The following ST18 variants were observed in gnomAD, a reference collection of about 807,000 sequenced individuals.
The protein encoded by ST18 is suppression of tumorigenicity 18 protein.
Under a neutral mutation model 110.0 loss-of-function variants are expected in ST18, and 50 were observed. The ratio of observed to expected loss-of-function variants is 0.45; its 90% CI spans 0.36 to 0.58. The LOEUF (loss-of-function observed/expected upper bound fraction) is 0.58. ST18 is among the 20% of genes least tolerant of loss of function. The pLI, the probability that ST18 is intolerant of heterozygous loss-of-function variation, is 0.00. For missense variants in ST18, 1,306 were observed against 1,280.1 expected (o/e 1.02, Z -0.31); for synonymous variants, 461 against 452.4 (o/e 1.02, Z -0.24).
chr8:52,136,626 A>C lies in ST18; in HGVS notation c.2264T>G (p.Leu755Arg). The change falls in exon 19 of 26, where the codon CTA (leucine) becomes CGA (arginine). Residue 755 changes from leucine (L) to arginine (R), a missense_variant. Physicochemically the swap from Leu to Arg is moderately radical, Grantham distance 102. Transcript: ENST00000689386. ...VSGCPLADKT[L>R]KSLMAANSQE... ...AGAGTTGGCAGCCATGAGGGATTTTAGAGTCTTATCTGCTAAAGGACATCC... is the reference window on the plus strand; with the variant it reads ...AGAGTTGGCAGCCATGAGGGATTTTCGAGTCTTATCTGCTAAAGGACATCC... The C allele has an allele frequency of 6.2e-7, 1 of 1,611,318 alleles. No individual in the cohort carries two copies. Among genetic ancestry groups the C allele is most frequent in the Non-Finnish European group, 8.5e-7 (1 of 1,178,984 alleles).
intron 2 of ST18, among the ~76,000 whole-genome samples, chr8:52,250,573 C>T (rs1040156690): frequency 6.7e-6 from 1 of 148,448 alleles, no homozygotes; most frequent in Admixed American, 6.8e-5. Flanking sequence ...GCAAACAGAA[C>T]CTTTATAGTA....
chr8:52,175,105 G>T (rs1034796062), intron 9 of ST18, among the ~76,000 whole-genome samples: 5 of 152,082 alleles, frequency 3.3e-5, no homozygotes, highest in Admixed American at 3.3e-4. Flanking sequence ...GCTCGGTGGG[G>T]CTGCGTCACC....
chr8:52,325,044 G>T (rs1275562777), intron 2 of ST18, among the ~76,000 whole-genome samples: 3 of 152,302 alleles, frequency 2.0e-5, no homozygotes, highest in Admixed American at 6.5e-5. Context: ...ACCAATAGAG[G>T]TTTTAAAGAT....
Position 52,409,730 on chromosome 8 carries a change from C to T in ST18, c.-772G>A, listed in dbSNP as rs3780002. 33 of 152,406 alleles carry T rather than the reference C, an allele frequency of 2.2e-4. No homozygotes were observed. Among genetic ancestry groups the T allele is most frequent in the East Asian group, 1.7e-3 (9 of 5,188 alleles). The allele number at this position is 152,406 out of a possible 1,614,324, so 9.4% of individuals were successfully genotyped here. A position where few individuals can be genotyped will look rare whatever the true frequency, so the allele number is the denominator to read the frequency against. ...ATTCAGTTAAAAACATCCTGCCCTT[C>T]TCCCTACAAAAAGGTTCCATAGAAT... On this transcript the variant is annotated 5_prime_UTR_variant, in exon 1 of 26. Coordinates refer to ENST00000689386, the MANE Select transcript of ST18 (RefSeq NM_001352837.2).
intron 2 of ST18, among the ~76,000 whole-genome samples, chr8:52,376,794 G>A (rs74456786): frequency 6.6e-6 from 1 of 152,134 alleles, no homozygotes; most frequent in Admixed American, 6.5e-5. Flanking sequence ...TCACTGATCT[G>A]GGTGAATCTG....
intron 2 of ST18, among the ~76,000 whole-genome samples, chr8:52,339,532 C>T (rs780841965): frequency 1.3e-5 from 2 of 152,244 alleles, no homozygotes; most frequent in African/African-American, 4.8e-5. Flanking sequence ...AGAATCCTGC[C>T]TCCACACAAG....
At chr8:52,335,186 T>C (rs1356606398) in intron 2 of ST18, among the ~76,000 whole-genome samples, 7 of 152,176 alleles carry the variant, frequency 4.6e-5, no homozygotes, top group Non-Finnish European at 1.0e-4. Context: ...CTAAACTTAA[T>C]ACATCCAAAA....
At chr8:52,333,702 A>T (rs558981807) in intron 2 of ST18, among the ~76,000 whole-genome samples, 3 of 152,246 alleles carry the variant, frequency 2.0e-5, no homozygotes, top group Non-Finnish European at 4.4e-5. Context: ...TTTATATTTG[A>T]TAAACTTTGA....
At chr8:52,329,262 T>C (rs1256304685) in intron 2 of ST18, among the ~76,000 whole-genome samples, 1 of 148,984 alleles carries the variant, frequency 6.7e-6, no homozygotes, top group Non-Finnish European at 1.5e-5. Flanking sequence ...TGTGTGTGTG[T>C]CTCCATCTGT....
chr8:52,407,252 A>G (rs960681249), intron 2 of ST18: 1 of 152,256 alleles, frequency 6.6e-6, no homozygotes, highest in Admixed American at 6.5e-5. Flanking sequence ...AATGTAGAGT[A>G]TCACGTGTTT....
intron 2 of ST18, among the ~76,000 whole-genome samples, chr8:52,361,377 AT>A (rs1825672555): frequency 6.6e-6 from 1 of 152,204 alleles, no homozygotes; most frequent in Non-Finnish European, 1.5e-5. Flanking sequence ...ATGGGAAAGT[AT>A]TAGTGAAATC....
intron 2 of ST18, chr8:52,407,411 T>C (rs1243637398): frequency 6.6e-6 from 1 of 152,142 alleles, no homozygotes; most frequent in Non-Finnish European, 1.5e-5. Context: ...CTGTGTTGCG[T>C]AGGGAATCTT....
At chr8:52,332,530 CTTTTTTTTTT>C (rs140331895) in intron 2 of ST18, among the ~76,000 whole-genome samples, 4 of 49,766 alleles carry the variant, frequency 8.0e-5, no homozygotes, top group African/African-American at 2.0e-4. Context: ...TCTAATGTAG[CTTTTTTTTTT>C]TTTTTTTTTT....
chr8:52,153,312 C>T (rs2059258211), intron 15 of ST18, among the ~76,000 whole-genome samples: 1 of 152,162 alleles, frequency 6.6e-6, no homozygotes, highest in African/African-American at 2.4e-5. Flanking sequence ...TCCCTGTTGA[C>T]TTGGCTGAGA....
intron 2 of ST18, among the ~76,000 whole-genome samples, chr8:52,257,014 A>C (rs1042998271): frequency 6.6e-6 from 1 of 152,108 alleles, no homozygotes; most frequent in African/African-American, 2.4e-5. Flanking sequence ...CGTCTTTGTA[A>C]ATTTGCCAAT....
chr8:52,250,718 G>A (rs1014747171), intron 2 of ST18, among the ~76,000 whole-genome samples: 8 of 151,354 alleles, frequency 5.3e-5, no homozygotes, highest in Non-Finnish European at 1.2e-4. Context: ...TTACTTTCAG[G>A]GATATTCTTA....
intron 17 of ST18, among the ~76,000 whole-genome samples, chr8:52,141,495 C>T (rs1196561999): frequency 1.3e-5 from 2 of 152,214 alleles, no homozygotes; most frequent in Non-Finnish European, 2.9e-5. Flanking sequence ...AGAAGACCTC[C>T]CGTCCCCACT....
intron 8 of ST18, 25 bp downstream of exon 8, chr8:52,212,054 A>G (rs756062979): frequency 6.2e-7 from 1 of 1,601,606 alleles, no homozygotes; most frequent in Admixed American, 1.8e-5. Flanking sequence ...AATGTGAAAA[A>G]AAAGTAATAT....
chr8:52,210,868 G>A (rs1178568055), intron 8 of ST18, among the ~76,000 whole-genome samples: 4 of 152,098 alleles, frequency 2.6e-5, no homozygotes, highest in Non-Finnish European at 4.4e-5. Context: ...TGGAAGCAAC[G>A]GTGACAGCCT....
Sources: allele counts gnomAD v4.1 joint callset (sites outside exome capture counted in the v4.1 genomes callset), GRCh38; gene constraint gnomAD v4.1.1; transcripts MANE v1.5; gene names NCBI Gene and HGNC (gene_info 2026-07-23, HGNC 2026-07-21).